MTG1: variants seen among roughly 807,000 people sequenced by gnomAD.
The protein encoded by MTG1 is mitochondrial ribosome-associated GTPase 1.
Under a neutral mutation model 39.5 loss-of-function variants are expected in MTG1, and 30 were observed. The observed-to-expected ratio is 0.76, with a 90% CI of 0.57 to 1.03. MTG1 has a LOEUF of 1.03. MTG1 is among the 50% of genes least tolerant of loss of function. The pLI is 0.00. For missense variants in MTG1, 513 were observed against 447.4 expected, an observed-to-expected ratio of 1.15 and a Z score of -1.32; for synonymous variants, 217 against 179.0, an observed-to-expected ratio of 1.21 and a Z score of -1.69.
At position 133,398,536 on chromosome 10, in the gene MTG1, C is replaced by T. The variant is rs1365934414; in HGVS notation, c.363+21C>T. 6 of 1,602,024 alleles carry T rather than the reference C, an allele frequency of 3.7e-6. No homozygotes were observed. In the Admixed American group the frequency reaches 5.3e-5, roughly 14 times the overall value. Reference sequence around the variant, plus strand: ...AGCAGGTAGGCTTTTCGTCTGTGCTCTCTCTGACGCTTCTGCTTCAGTAGG... The same window carrying T: ...AGCAGGTAGGCTTTTCGTCTGTGCTTTCTCTGACGCTTCTGCTTCAGTAGG... On this transcript the variant is annotated intron_variant, in intron 4 of 10. Coordinates refer to ENST00000317502, the MANE Select transcript of MTG1 (RefSeq NM_138384.4).
chr10:133,417,746 C>A (rs1850153408), intron 9 of MTG1, among the ~76,000 whole-genome samples: 1 of 152,200 alleles, frequency 6.6e-6, no homozygotes, highest in Admixed American at 6.5e-5. Flanking sequence ...AGACAAACAG[C>A]CAAATCATGA....
chr10:133,404,420 C>G (rs1459886917), intron 9 of MTG1, among the ~76,000 whole-genome samples: 1 of 152,192 alleles, frequency 6.6e-6, no homozygotes, highest in African/African-American at 2.4e-5. Context: ...AGGCACCATG[C>G]CCAGCCTGTA....
In MTG1 at chr10:133,402,869, G is replaced by A; in HGVS notation, c.752+96G>A. The A allele has an allele frequency of 2.1e-6, 2 of 964,644 alleles. No individual in the cohort carries two copies. The highest frequency in any genetic ancestry group is 1.6e-5 in the South Asian group (1 of 61,262). The allele number at this position is 964,644 out of a possible 1,614,324, so 59.8% of individuals were successfully genotyped here. Reference sequence around the variant, plus strand: ...CAAAAAAACCCCCAGCATTATAAAGGTATTATAAACACGGTAACCTGCACA... The same window carrying A: ...CAAAAAAACCCCCAGCATTATAAAGATATTATAAACACGGTAACCTGCACA... On this transcript the variant is annotated intron_variant, in intron 9 of 10. Coordinates refer to ENST00000317502, the MANE Select transcript of MTG1 (RefSeq NM_138384.4). This position sits in a 1 kb window ranked among gnomAD's most constrained non-coding sequence, Gnocchi z 4.7.
At position 133,403,955 on chromosome 10, in the gene MTG1, C is replaced by T. The variant is rs150695686; in HGVS notation, c.752+1182C>T. ...CTTTAACTTTGGCCTGTCTGATGGG[C>T]GGGCGTGTAGGGGTGTCGCATAGCA... On this transcript the variant is annotated intron_variant, in intron 9 of 10. Coordinates refer to ENST00000317502, the MANE Select transcript of MTG1 (RefSeq NM_138384.4). Among the ~76,000 whole-genome samples the T allele has an allele frequency of 1.6e-4, 24 of 152,078 alleles. No individual in the cohort carries two copies. The East Asian group carries it at 2.9e-3, about 18-fold the overall frequency.
At chr10:133,414,456 C>T (rs1042909070) in intron 9 of MTG1, among the ~76,000 whole-genome samples, 10 of 152,186 alleles carry the variant, frequency 6.6e-5, no homozygotes, top group Non-Finnish European at 8.8e-5. Flanking sequence ...GGGTGGTGGC[C>T]GGGCAGAGGG....
At chr10:133,409,599 A>G (rs1850015889) in intron 9 of MTG1, among the ~76,000 whole-genome samples, 1 of 151,740 alleles carries the variant, frequency 6.6e-6, no homozygotes, top group South Asian at 2.1e-4. Context: ...GGCTGGAAAC[A>G]CCCTACGGAG....
In MTG1 at chr10:133,398,441, A is replaced by T; in HGVS notation, c.289A>T (p.Met97Leu). Residue 97 changes from methionine (M) to leucine (L), a missense_variant, in exon 4 of 11, where the codon ATG (methionine) becomes TTG (leucine). Coordinates refer to ENST00000317502, the MANE Select transcript of MTG1 (RefSeq NM_138384.4). ...LADLTEQQKI[M>L]QHLEGEGLKN... The stretch of plus-strand genomic sequence containing the variant: ...AATGTTTTGTGTCTTTCAGAAAATT[A>T]TGCAACACTTAGAAGGAGAAGGCCT... 1 of 1,611,792 alleles carries T rather than the reference A, an allele frequency of 6.2e-7. No homozygotes were observed. The highest frequency in any genetic ancestry group is 8.5e-7 in the Non-Finnish European group (1 of 1,179,444).
At chr10:133,413,915 TTTC>T (rs1329061562) in intron 9 of MTG1, among the ~76,000 whole-genome samples, 2 of 151,616 alleles carry the variant, frequency 1.3e-5, no homozygotes, top group African/African-American at 4.8e-5. Context: ...TGTGTTTTCT[TTTC>T]TTTTTTTTTT....
intron 9 of MTG1, among the ~76,000 whole-genome samples, chr10:133,406,337 G>C: frequency 6.6e-6 from 1 of 152,056 alleles, no homozygotes; most frequent in Non-Finnish European, 1.5e-5. Context: ...GTGCCGTCCA[G>C]GCTGAGTGCA....
At position 133,402,672 on chromosome 10, in the gene MTG1, C is replaced by A. The variant is rs1015333293; in HGVS notation, c.671-20C>A. 1.3e-6 allele frequency: 2 copies of A among 1,588,334 alleles called. No homozygotes were observed. Among genetic ancestry groups the A allele is most frequent in the Non-Finnish European group, 1.7e-6 (2 of 1,167,458 alleles). The stretch of plus-strand genomic sequence containing the variant: ...AGATGTGGCTGTTTCCAGTGCTCAC[C>A]TCGGCTGCTGCTTCCACAGGAACGG... On this transcript the variant is annotated intron_variant, in intron 8 of 10. Coordinates refer to ENST00000317502, the MANE Select transcript of MTG1 (RefSeq NM_138384.4). The surrounding 1 kb of genome is among the most constrained non-coding windows in gnomAD (Gnocchi z 4.7).
At chr10:133,395,133 C>G (rs554530516) in intron 1 of MTG1, among the ~76,000 whole-genome samples, 47 of 152,262 alleles carry the variant, frequency 3.1e-4, no homozygotes, top group Non-Finnish European at 6.3e-4. Flanking sequence ...CGGTGGCTCA[C>G]GCTTGTAATC....
chr10:133,416,020 T>TCGGGCACGCGGGTGTCGGGCACGC (rs1564823387), intron 9 of MTG1, among the ~76,000 whole-genome samples: 1 of 94,652 alleles, frequency 1.1e-5, no homozygotes. Flanking sequence ...GTCGGGCACG[T>TCGGGCACGCGGGTGTCGGGCACGC]GGGTGTCGGG....
At chr10:133,405,555 GT>G (rs964640412) in intron 9 of MTG1, among the ~76,000 whole-genome samples, 1 of 152,088 alleles carries the variant, frequency 6.6e-6, no homozygotes, top group African/African-American at 2.4e-5. Context: ...TGAAGTCCAC[GT>G]TTTTAGCTCC....
Position 133,401,593 on chromosome 10 carries a change from G to A in MTG1, c.573+3G>A. 6.2e-7 allele frequency: 1 copy of A among 1,612,840 alleles called. No homozygotes were observed. The highest frequency in any genetic ancestry group is 1.1e-5 in the South Asian group (1 of 91,012). On this transcript the variant is annotated splice_donor_region_variant and intron_variant, in intron 7 of 10. Transcript: ENST00000317502. ...GAGCTGTGATGTCCAAAATTCAGGT[G>A]GAGTCCTCAGGGGCCAGGCCCAGCA...
intron 9 of MTG1, among the ~76,000 whole-genome samples, chr10:133,407,758 T>C (rs1212664484): frequency 6.6e-6 from 1 of 152,038 alleles, no homozygotes; most frequent in African/African-American, 2.4e-5. Flanking sequence ...TTAGTAGAGA[T>C]GGGGTTTCTC....
At position 133,420,022 on chromosome 10, in the gene MTG1, C is replaced by G; in HGVS notation, c.866-4C>G. Reference sequence around the variant, plus strand: ...CTTCCTCACTGAACCCTCCCGTCCCCCAGGTAACGTGAACATTATTCAGCC... The same window carrying G: ...CTTCCTCACTGAACCCTCCCGTCCCGCAGGTAACGTGAACATTATTCAGCC... On this transcript the variant is annotated splice_region_variant and splice_polypyrimidine_tract_variant and intron_variant, in intron 10 of 10. Transcript: ENST00000317502. 2 of 1,606,206 alleles carry G rather than the reference C, an allele frequency of 1.2e-6. No homozygotes were observed. Among genetic ancestry groups the G allele is most frequent in the Non-Finnish European group, 1.7e-6 (2 of 1,175,224 alleles).
intron 6 of MTG1, 28 bp downstream of exon 6, chr10:133,399,647 A>G: frequency 6.2e-7 from 1 of 1,610,686 alleles, no homozygotes; most frequent in Non-Finnish European, 8.5e-7. Flanking sequence ...TGATCACCTC[A>G]GGAAAGGTAC....
chr10:133,402,863 A>T lies in MTG1; in HGVS notation c.752+90A>T. ...AACAAACAAAAAAACCCCCAGCATT[A>T]TAAAGGTATTATAAACACGGTAACC... On this transcript the variant is annotated intron_variant, in intron 9 of 10. Coordinates refer to ENST00000317502, the MANE Select transcript of MTG1 (RefSeq NM_138384.4). The surrounding 1 kb of genome is among the most constrained non-coding windows in gnomAD (Gnocchi z 4.7). 9.9e-7 allele frequency: 1 copy of T among 1,014,142 alleles called. No homozygotes were observed. Among genetic ancestry groups the T allele is most frequent in the Non-Finnish European group, 1.4e-6 (1 of 693,886 alleles). The allele number at this position is 1,014,142 out of a possible 1,614,324, so 62.8% of individuals were successfully genotyped here. A position where few individuals can be genotyped will look rare whatever the true frequency, so the allele number is the denominator to read the frequency against.
At chr10:133,396,313 T>C (rs760880759) in intron 3 of MTG1, 46 bp downstream of exon 3, 2 of 1,521,344 alleles carry the variant, frequency 1.3e-6, no homozygotes, top group Admixed American at 1.7e-5. Flanking sequence ...GGCTGTGTTT[T>C]CCCGAGGTCG....
Sources: allele counts gnomAD v4.1 joint callset (sites outside exome capture counted in the v4.1 genomes callset), GRCh38; gene constraint gnomAD v4.1.1; non-coding constraint Gnocchi (gnomAD v3.1); transcripts MANE v1.5; gene names NCBI Gene and HGNC (gene_info 2026-07-23, HGNC 2026-07-21).